BNC2: variants seen among roughly 807,000 people sequenced by gnomAD.
BNC2 encodes zinc finger protein basonuclin-2.
Under a neutral mutation model 76.3 loss-of-function variants are expected in BNC2, and 20 were observed. The ratio of observed to expected loss-of-function variants is 0.26; its 90% confidence interval spans 0.18 to 0.38. BNC2 has a LOEUF of 0.38. Ranked by LOEUF, BNC2 falls within the 10% of genes least tolerant of loss-of-function variation. The pLI, the probability that BNC2 is intolerant of heterozygous loss-of-function variation, is 1.00. For synonymous variants in BNC2, 582 were observed against 514.8 expected, an observed-to-expected ratio of 1.13 and a Z score of -1.77; for missense variants, 1,382 against 1,399.8, an observed-to-expected ratio of 0.99 and a Z score of 0.20.
At chr9:16,719,568 G>T (rs1237591652) in intron 3 of BNC2, among the ~76,000 whole-genome samples, 1 of 152,058 alleles carries the variant, frequency 6.6e-6, no homozygotes, top group Non-Finnish European at 1.5e-5. Flanking sequence ...TAATAAAGTT[G>T]AAAAATTCAT....
intron 1 of BNC2, among the ~76,000 whole-genome samples, chr9:16,855,139 G>C (rs1227395433): frequency 6.6e-6 from 1 of 151,998 alleles, no homozygotes; most frequent in Non-Finnish European, 1.5e-5. Flanking sequence ...CATGGCGTGT[G>C]TGTGTGTGTG....
At chr9:16,674,969 C>T (rs1822595922) in intron 3 of BNC2, among the ~76,000 whole-genome samples, 2 of 152,058 alleles carry the variant, frequency 1.3e-5, no homozygotes, top group South Asian at 2.1e-4. Flanking sequence ...TTGAGCAACA[C>T]CCAAATTCTA....
chr9:16,567,390 C>G (rs1408107195), intron 4 of BNC2, among the ~76,000 whole-genome samples: 2 of 152,014 alleles, frequency 1.3e-5, no homozygotes, highest in African/African-American at 4.8e-5. Context: ...ATTCAGTTTT[C>G]AAATGTATAA....
chr9:16,731,124 C>T (rs1824492292), intron 2 of BNC2, among the ~76,000 whole-genome samples: 1 of 152,154 alleles, frequency 6.6e-6, no homozygotes, highest in Non-Finnish European at 1.5e-5. Flanking sequence ...CAAAAAAATA[C>T]ACCTACAAGG....
chr9:16,608,915 ATATTT>A (rs1820459138), intron 3 of BNC2, among the ~76,000 whole-genome samples: 1 of 152,202 alleles, frequency 6.6e-6, no homozygotes. Flanking sequence ...CTAGGTTTCC[ATATTT>A]TATAATGTTT....
At chr9:16,692,669 A>T (rs1287364981) in intron 3 of BNC2, among the ~76,000 whole-genome samples, 1 of 152,202 alleles carries the variant, frequency 6.6e-6, no homozygotes, top group Non-Finnish European at 1.5e-5. Context: ...CACAAGGGTC[A>T]AAGGAATATT....
At chr9:16,492,321 T>C (rs1027961308) in intron 5 of BNC2, among the ~76,000 whole-genome samples, 2 of 152,354 alleles carry the variant, frequency 1.3e-5, no homozygotes, top group African/African-American at 2.4e-5. Flanking sequence ...TTGTGGTATA[T>C]GTAAGAAGTC....
chr9:16,851,146 T>C (rs1213824053), intron 1 of BNC2, among the ~76,000 whole-genome samples: 1 of 152,142 alleles, frequency 6.6e-6, no homozygotes, highest in Non-Finnish European at 1.5e-5. Context: ...TTCAAATTTA[T>C]TAATCCTGTC....
At chr9:16,771,351 A>G (rs1825826715) in intron 1 of BNC2, among the ~76,000 whole-genome samples, 2 of 152,164 alleles carry the variant, frequency 1.3e-5, no homozygotes, top group African/African-American at 4.8e-5. Flanking sequence ...CTTCAGAAAT[A>G]ATAAATCTTT....
Position 16,436,538 on chromosome 9 carries a change from A to G in BNC2, c.1656T>C (p.Asn552=). ...AAAATACTAGCTGGCTAGGGAGAGG[A>G]TTTTGCAAGACAGGGTCTAGAGGGG... ...TTPPLDPVLQ[N]PLPSQLVFSG... is the part of the protein sequence containing the mutation. Residue 552 remains asparagine, a synonymous_variant, in exon 6 of 7, where the codon AAT becomes AAC. Coordinates refer to ENST00000380672, the MANE Select transcript of BNC2 (RefSeq NM_017637.6). The G allele has an allele frequency of 6.2e-7, 1 of 1,613,910 alleles. No individual in the cohort carries two copies. Among genetic ancestry groups the G allele is most frequent in the Non-Finnish European group, 8.5e-7 (1 of 1,179,978 alleles).
chr9:16,624,595 A>G (rs754511738), intron 3 of BNC2, among the ~76,000 whole-genome samples: 6 of 152,184 alleles, frequency 3.9e-5, no homozygotes, highest in Non-Finnish European at 8.8e-5. Context: ...ACTCTTCCTC[A>G]ATGACTTTTA....
chr9:16,779,868 G>T (rs925568606), intron 1 of BNC2, among the ~76,000 whole-genome samples: 54 of 152,112 alleles, frequency 3.6e-4, no homozygotes, highest in Admixed American at 1.3e-4. Flanking sequence ...AAAGCTAAAG[G>T]GTACGGGTTT....
At chr9:16,812,576 G>A (rs888395278) in intron 1 of BNC2, among the ~76,000 whole-genome samples, 1 of 152,166 alleles carries the variant, frequency 6.6e-6, no homozygotes, top group Admixed American at 6.5e-5. Flanking sequence ...ACACCAGGGG[G>A]AAGTCATTTT....
chr9:16,801,314 T>C (rs1370524656), intron 1 of BNC2, among the ~76,000 whole-genome samples: 1 of 152,154 alleles, frequency 6.6e-6, no homozygotes. Context: ...TGGCGTGATA[T>C]TGCTCACTGC....
chr9:16,830,269 T>C (rs980632748), intron 1 of BNC2, among the ~76,000 whole-genome samples: 12 of 152,340 alleles, frequency 7.9e-5, no homozygotes, highest in African/African-American at 2.9e-4. Context: ...GGCAAGGCAG[T>C]ATTCACCTAG....
At chr9:16,660,225 C>T (rs1291792656) in intron 3 of BNC2, among the ~76,000 whole-genome samples, 1 of 152,158 alleles carries the variant, frequency 6.6e-6, no homozygotes, top group Admixed American at 6.5e-5. Context: ...GAGGCCGAGT[C>T]GGGCGGATCA....
chr9:16,868,420 T>C (rs1819595417), intron 1 of BNC2, among the ~76,000 whole-genome samples: 1 of 152,222 alleles, frequency 6.6e-6, no homozygotes, highest in Non-Finnish European at 1.5e-5. Context: ...ACAGATATCT[T>C]ACATCTCAAA....
At chr9:16,549,403 T>C (rs1818590502) in intron 5 of BNC2, among the ~76,000 whole-genome samples, 1 of 152,190 alleles carries the variant, frequency 6.6e-6, no homozygotes, top group Admixed American at 6.5e-5. Flanking sequence ...TAATATTCAA[T>C]ATACTGTTGT....
intron 3 of BNC2, among the ~76,000 whole-genome samples, chr9:16,632,896 G>C (rs1038056513): frequency 6.6e-6 from 1 of 152,036 alleles, no homozygotes; most frequent in African/African-American, 2.4e-5. Flanking sequence ...CAATATAATC[G>C]AGTTTTATAG....
Sources: gnomAD v4.1 joint callset for allele counts (sites outside exome capture counted in the v4.1 genomes callset) on GRCh38, gnomAD v4.1.1 for gene constraint, MANE v1.5 for transcripts, NCBI Gene and HGNC (gene_info 2026-07-23, HGNC 2026-07-21) for gene names.